Variants in JAK1 observed in about 807,000 individuals in gnomAD.
JAK1 encodes tyrosine-protein kinase JAK1.
JAK1 carries 16 observed loss-of-function variants against 136.6 expected under a neutral mutation model. The ratio of observed to expected loss-of-function variants is 0.12; its 90% CI spans 0.08 to 0.18. JAK1 has a LOEUF of 0.18. Among genes scored for constraint, JAK1 ranks in the 10% least tolerant of loss-of-function variants. The pLI is 1.00. For synonymous variants in JAK1, 492 were observed against 519.5 expected, an observed-to-expected ratio of 0.95 and a Z score of 0.72; for missense variants, 859 against 1,450.1, an observed-to-expected ratio of 0.59 and a Z score of 6.62.
At chr1:64,963,930 A>T (rs747133921) in intron 1 of JAK1, among the ~76,000 whole-genome samples, 1 of 152,100 alleles carries the variant, frequency 6.6e-6, no homozygotes, top group Admixed American at 6.6e-5. Context: ...TACCAGTAGC[A>T]CCGCTCCCTT....
chr1:65,005,145 A>G (rs985481681), intron 2 of JAK1, among the ~76,000 whole-genome samples: 12 of 152,162 alleles, frequency 7.9e-5, no homozygotes, highest in African/African-American at 2.9e-4. Flanking sequence ...AAACTGTAAG[A>G]CCAGCCTGGC....
chr1:65,008,613 CTCCCCT>C (rs111991178), intron 2 of JAK1, among the ~76,000 whole-genome samples: 4,960 of 151,462 alleles, frequency 0.033, 293 homozygotes, highest in East Asian at 0.28. Flanking sequence ...ATAAGTCCTG[CTCCCCT>C]TCCCCTTCCC....
intron 2 of JAK1, among the ~76,000 whole-genome samples, chr1:65,021,351 C>T (rs1646935270): frequency 6.6e-6 from 1 of 152,196 alleles, no homozygotes; most frequent in Non-Finnish European, 1.5e-5. Flanking sequence ...ACAAGGCGTA[C>T]ATTGGTACTC....
At chr1:64,875,025 T>C (rs141654365) in intron 4 of JAK1, among the ~76,000 whole-genome samples, 1 of 152,328 alleles carries the variant, frequency 6.6e-6, no homozygotes, top group African/African-American at 2.4e-5. Context: ...CCTTCCTCCA[T>C]AAAAAATATT....
rs761587530 is a variant in JAK1 at position 65,048,339 on chromosome 1, C to T, written c.-180-3757G>A. Among the ~76,000 whole-genome samples the T allele has an allele frequency of 2.6e-4, 39 of 152,122 alleles. 1 individual carries two copies. The highest frequency in any genetic ancestry group is 5.2e-4 in the Admixed American group (8 of 15,264). On this transcript the variant is annotated intron_variant, in intron 1 of 25. Coordinates refer to the JAK1 transcript ENST00000671954. ...AAAATACCAGACACACAGCAGGTAT[C>T]GCTAGCATATATTATTATTACCATT...
chr1:64,910,421 G>A (rs375463202), intron 1 of JAK1, among the ~76,000 whole-genome samples: 2 of 152,312 alleles, frequency 1.3e-5, no homozygotes. Flanking sequence ...TTTGAGGAAT[G>A]AAAAGTTTTT....
chr1:64,888,264 C>A (rs984888323), intron 1 of JAK1, among the ~76,000 whole-genome samples: 1 of 152,232 alleles, frequency 6.6e-6, no homozygotes, highest in African/African-American at 2.4e-5. Context: ...TCACTGCAAC[C>A]TCTGCCTCCC....
chr1:65,012,577 T>G (rs1646858085), intron 2 of JAK1, among the ~76,000 whole-genome samples: 1 of 152,076 alleles, frequency 6.6e-6, no homozygotes, highest in African/African-American at 2.4e-5. Context: ...CTGAGGACAT[T>G]TGCCAATACA....
chr1:64,870,101 G>A (rs1379035727), intron 5 of JAK1, among the ~76,000 whole-genome samples: 2 of 152,206 alleles, frequency 1.3e-5, no homozygotes, highest in Non-Finnish European at 2.9e-5. Context: ...CTAACCAGCA[G>A]TGCCCAGCCC....
intron 2 of JAK1, among the ~76,000 whole-genome samples, chr1:64,997,240 G>T (rs1490524524): frequency 6.6e-6 from 1 of 152,058 alleles, no homozygotes; most frequent in East Asian, 1.9e-4. Context: ...AAACATAAAA[G>T]TAAACGGCAC....
rs56881589 is a variant in JAK1 at position 64,878,561 on chromosome 1, GTATATATATATATATATATATATATATA to G, written c.329+436_329+463del. Among the ~76,000 whole-genome samples, 20 of 119,984 alleles carry G rather than the reference GTATATATATATATATATATATATATATA, an allele frequency of 1.7e-4. No homozygotes were observed. The South Asian group carries it at 1.7e-3, about 10-fold the overall frequency. The allele number at this position is 119,984 out of a possible 152,430, so 78.7% of individuals were successfully genotyped here. A position where few individuals can be genotyped will look rare whatever the true frequency, so the allele number is the denominator to read the frequency against. On this transcript the variant is annotated intron_variant, in intron 4 of 24. Coordinates refer to ENST00000342505, the MANE Select transcript of JAK1 (RefSeq NM_002227.4). ...ATCATGACCTTTATATATATAGTGT[GTATATATATATATATATATATATATATA>G]TATATATATATATATATCTCAAAAG...
At chr1:65,036,400 A>C (rs916651191) in intron 2 of JAK1, among the ~76,000 whole-genome samples, 2 of 152,128 alleles carry the variant, frequency 1.3e-5, no homozygotes, top group African/African-American at 4.8e-5. Context: ...AAGCCACTGC[A>C]CTCCAGCCTG....
intron 2 of JAK1, among the ~76,000 whole-genome samples, chr1:65,031,997 G>T (rs373617377): frequency 7.5e-6 from 1 of 133,342 alleles, no homozygotes. Context: ...ATGGGGTCTT[G>T]CTTTGCTGCC....
At position 64,869,645 on chromosome 1, in the gene JAK1, CAGG is replaced by C. The variant is rs530307237; in HGVS notation, c.484-174_484-172del. Among the ~76,000 whole-genome samples, 579 of 152,294 alleles carry C rather than the reference CAGG, an allele frequency of 3.8e-3. 1 individual carries two copies. Among genetic ancestry groups the C allele is most frequent in the Middle Eastern group, 0.017 (5 of 294 alleles). On this transcript the variant is annotated intron_variant, in intron 5 of 24. Coordinates refer to ENST00000342505, the MANE Select transcript of JAK1 (RefSeq NM_002227.4). ...AAACAGAGTTGGGTGTGAAGGGGCT[CAGG>C]AGATGTTCTCCCCCGCTCATTCATT... is the stretch of plus-strand genomic sequence containing the variant.
chr1:64,879,505 T>G (rs963210007), intron 3 of JAK1, among the ~76,000 whole-genome samples: 12 of 152,242 alleles, frequency 7.9e-5, no homozygotes, highest in African/African-American at 2.9e-4. Flanking sequence ...CTGCCTGATG[T>G]GCACTTTGCT....
chr1:64,931,349 A>G (rs1645688376), intron 1 of JAK1, among the ~76,000 whole-genome samples: 2 of 152,020 alleles, frequency 1.3e-5, no homozygotes, highest in African/African-American at 2.4e-5. Flanking sequence ...TGCAGACTAC[A>G]ACTCCCATAA....
chr1:65,016,270 G>A (rs561941534), intron 2 of JAK1, among the ~76,000 whole-genome samples: 18 of 152,180 alleles, frequency 1.2e-4, no homozygotes, highest in Non-Finnish European at 2.1e-4. Flanking sequence ...AGTAGATAGC[G>A]ATGGTAGTTG....
At chr1:64,932,368 G>A (rs972688693) in intron 1 of JAK1, among the ~76,000 whole-genome samples, 4 of 152,072 alleles carry the variant, frequency 2.6e-5, no homozygotes, top group Non-Finnish European at 5.9e-5. Flanking sequence ...AGCCGAGATC[G>A]CGCCACTGTA....
chr1:64,894,400 C>T (rs940581798), intron 1 of JAK1, among the ~76,000 whole-genome samples: 2 of 152,176 alleles, frequency 1.3e-5, no homozygotes, highest in African/African-American at 4.8e-5. Context: ...TGGCAAATGT[C>T]CATTTCAGTC....
Sources: allele counts gnomAD v4.1 joint callset (sites outside exome capture counted in the v4.1 genomes callset), GRCh38; gene constraint gnomAD v4.1.1; transcripts MANE v1.5; gene names NCBI Gene and HGNC (gene_info 2026-07-23, HGNC 2026-07-21).